The following RTN4 variants were observed in gnomAD, a reference collection of about 807,000 sequenced individuals.
RTN4 encodes reticulon 4.
In RTN4, 32 loss-of-function variants were observed where a neutral mutation model predicts 90.4. The ratio of observed to expected loss-of-function variants is 0.35; its 90% CI spans 0.27 to 0.48. The LOEUF (loss-of-function observed/expected upper bound fraction) is 0.48, where lower values mean the gene tolerates loss of function less well. Among genes scored for constraint, RTN4 ranks in the 20% least tolerant of loss-of-function variants. The pLI is 0.99. For missense variants in RTN4, 1,706 were observed against 1,430.2 expected, an observed-to-expected ratio of 1.19 and a Z score of -3.11; for synonymous variants, 629 against 552.5, an observed-to-expected ratio of 1.14 and a Z score of -1.94.
At chr2:55,051,371 C>T (rs181254359), upstream of RTN4, among the ~76,000 whole-genome samples, 1 of 152,314 alleles carries the variant, frequency 6.6e-6, no homozygotes, top group East Asian at 1.9e-4. Context: ...ACCTTAGGTT[C>T]ATGAGTCAAC....
intron 8 of RTN4, 58 bp from the exon 9 acceptor site, chr2:54,973,256 A>G (rs1322899612): frequency 1.5e-6 from 2 of 1,371,990 alleles, no homozygotes; most frequent in African/African-American, 1.4e-5. Context: ...TTAAAATACC[A>G]TCTTCCAAGA....
chr2:54,987,566 G>A lies in RTN4; in HGVS notation c.3146C>T (p.Ser1049Phe), dbSNP rs770464185. 3.7e-6 allele frequency: 6 copies of A among 1,614,186 alleles called. No homozygotes were observed. The highest frequency in any genetic ancestry group is 1.7e-5 in the Admixed American group (1 of 60,026). Reference sequence around the variant, plus strand: ...GTATATCCTAAAGCTGATGGTCACAGAGAGCAGGGCCAAGGCAATGTAGGC... The same window carrying A: ...GTATATCCTAAAGCTGATGGTCACAAAGAGCAGGGCCAAGGCAATGTAGGC... ...VTAYIALALLSVTISFRIYKG... is the reference protein window; with the variant it reads ...VTAYIALALLFVTISFRIYKG... Residue 1049 changes from serine to phenylalanine, a missense_variant, in exon 4 of 9, where the codon TCT becomes TTT. Physicochemically the swap from Ser to Phe is radical, Grantham distance 155. Coordinates refer to ENST00000337526, the MANE Select transcript of RTN4 (RefSeq NM_020532.5).
chr2:54,977,823 G>T (rs1677763950), intron 5 of RTN4, among the ~76,000 whole-genome samples: 1 of 152,080 alleles, frequency 6.6e-6, no homozygotes, highest in Non-Finnish European at 1.5e-5. Flanking sequence ...TAATTGCAAA[G>T]GAGCAAAACA....
At chr2:55,092,669 T>C (rs1004170585) in intron 1 of RTN4, among the ~76,000 whole-genome samples, 1 of 152,240 alleles carries the variant, frequency 6.6e-6, no homozygotes, top group Non-Finnish European at 1.5e-5. Context: ...CCACACCCAA[T>C]TGTGGCACCT....
upstream of RTN4, among the ~76,000 whole-genome samples, chr2:55,055,639 G>A (rs950028714): frequency 3.9e-5 from 6 of 152,020 alleles, no homozygotes; most frequent in South Asian, 2.1e-4. Context: ...GCGTGGTGGC[G>A]GGCGCCTGTA....
intron 3 of RTN4, among the ~76,000 whole-genome samples, chr2:54,993,377 T>A (rs1380677359): frequency 6.6e-6 from 1 of 152,180 alleles, no homozygotes; most frequent in Non-Finnish European, 1.5e-5. Flanking sequence ...GTTAGGTTAA[T>A]AAATATTTGG....
At chr2:55,052,445 T>C (rs1165465449), upstream of RTN4, among the ~76,000 whole-genome samples, 3 of 152,208 alleles carry the variant, frequency 2.0e-5, no homozygotes, top group South Asian at 6.2e-4. Context: ...GTTACTTGAT[T>C]GGGTTAATTA....
At chr2:55,090,881 G>A (rs1006651728) in intron 1 of RTN4, among the ~76,000 whole-genome samples, 1 of 152,106 alleles carries the variant, frequency 6.6e-6, no homozygotes, top group African/African-American at 2.4e-5. Context: ...AAATCTACGA[G>A]TCATCCTTGG....
intron 1 of RTN4, among the ~76,000 whole-genome samples, chr2:55,032,151 G>C (rs935416288): frequency 9.9e-5 from 15 of 151,944 alleles, no homozygotes; most frequent in Non-Finnish European, 2.2e-4. Flanking sequence ...GGCTATCTTG[G>C]CTCACTGCAA....
chr2:55,050,215 C>G lies in RTN4; in HGVS notation c.86G>C (p.Arg29Thr). 1.9e-6 allele frequency: 3 copies of G among 1,566,402 alleles called. No individual in the cohort carries two copies. The highest frequency in any genetic ancestry group is 2.6e-6 in the Non-Finnish European group (3 of 1,159,272). Residue 29 changes from arginine (R) to threonine (T), a missense_variant, in exon 1 of 9, where the codon AGG (arginine) becomes ACG (threonine). Coordinates refer to ENST00000337526, the MANE Select transcript of RTN4 (RefSeq NM_020532.5). This position sits in a 1 kb window ranked among gnomAD's most constrained non-coding sequence, Gnocchi z 4.6. ...TTCTTCCTCCTCGTCCTCGGGCTCC[C>G]TCACGAACTGGTACTTGAACGCGGG... is the stretch of plus-strand genomic sequence containing the variant. ...PQPAFKYQFV[R>T]EPEDEEEEEE... is the part of the protein sequence containing the mutation.
the RTN4 span, among the ~76,000 whole-genome samples, chr2:55,137,271 G>A: frequency 1.3e-5 from 2 of 152,208 alleles, no homozygotes; most frequent in African/African-American, 2.4e-5. Context: ...GCAAAGAGGA[G>A]GGCATGAGAA....
intron 1 of RTN4, among the ~76,000 whole-genome samples, chr2:55,112,368 T>C (rs1471338277): frequency 6.6e-6 from 1 of 152,256 alleles, no homozygotes; most frequent in African/African-American, 2.4e-5. Flanking sequence ...CAAGTGGTGA[T>C]TAAGCAAGGC....
At chr2:54,977,675 C>T (rs1231087968) in intron 5 of RTN4, among the ~76,000 whole-genome samples, 2 of 151,788 alleles carry the variant, frequency 1.3e-5, no homozygotes, top group East Asian at 1.9e-4. Context: ...GGGTGGGAAG[C>T]GAGGGGAGGG....
chr2:55,085,806 C>T (rs1668826689), intron 1 of RTN4, among the ~76,000 whole-genome samples: 2 of 152,092 alleles, frequency 1.3e-5, no homozygotes, highest in African/African-American at 2.4e-5. Flanking sequence ...AACGTTAGGC[C>T]CATTATGAGA....
chr2:55,057,379 A>G (rs898907942), intron 2 of RTN4, among the ~76,000 whole-genome samples: 1 of 152,240 alleles, frequency 6.6e-6, no homozygotes, highest in Non-Finnish European at 1.5e-5. Flanking sequence ...AGAGCAAAGT[A>G]TATATGGGAA....
At chr2:55,114,496 C>T (rs2968780), upstream of RTN4, among the ~76,000 whole-genome samples, 89,757 of 151,954 alleles carry the variant, frequency 0.59, 26,572 homozygotes, top group African/African-American at 0.63. Context: ...GTCAGGAGTT[C>T]GAGACCAGCC....
At chr2:55,043,296 A>T (rs2104948927) in intron 1 of RTN4, among the ~76,000 whole-genome samples, 1 of 152,346 alleles carries the variant, frequency 6.6e-6, no homozygotes. Context: ...AGTATAGTAT[A>T]TCTGCAACAT....
intron 3 of RTN4, among the ~76,000 whole-genome samples, chr2:55,002,117 G>A (rs1485517492): frequency 6.6e-6 from 1 of 151,994 alleles, no homozygotes; most frequent in Non-Finnish European, 1.5e-5. Context: ...GGAGCAGAGT[G>A]GCATCATCAT....
intron 1 of RTN4, among the ~76,000 whole-genome samples, chr2:55,045,882 C>T (rs193034939): frequency 2.6e-5 from 4 of 152,266 alleles, no homozygotes; most frequent in Admixed American, 6.5e-5. Flanking sequence ...GCTCTCAAAT[C>T]GATTTCTAGC....
Sources: gnomAD v4.1 joint callset for allele counts (sites outside exome capture counted in the v4.1 genomes callset) on GRCh38, gnomAD v4.1.1 for gene constraint, Gnocchi (gnomAD v3.1) non-coding constraint, MANE v1.5 for transcripts, NCBI Gene and HGNC (gene_info 2026-07-23, HGNC 2026-07-21) for gene names.